The following VSIG2 variants were observed in gnomAD, a reference collection of about 807,000 sequenced individuals.
VSIG2 encodes the protein V-set and immunoglobulin domain containing 2.
In VSIG2, 30 loss-of-function variants were observed where a neutral mutation model predicts 29.4. The ratio of observed to expected loss-of-function variants is 1.02; its 90% confidence interval spans 0.76 to 1.38. VSIG2 has a LOEUF of 1.38. Among genes scored for constraint, VSIG2 ranks in the 40% most tolerant of loss-of-function variants. The pLI is 0.00. For synonymous variants in VSIG2, 178 were observed against 174.2 expected, an observed-to-expected ratio of 1.02 and a Z score of -0.17; for missense variants, 421 against 400.8, an observed-to-expected ratio of 1.05 and a Z score of -0.43.
Position 124,751,491 on chromosome 11 carries a change from C to A in VSIG2, c.151G>T (p.Val51Leu). The stretch of plus-strand genomic sequence containing the variant: ...CACTCCAGGGCGAAGCTGTCTCCCA[C>A]CGACGTGCTGTAGGTGCAGGTCAGC... ...AELTCTYSTS[V>L]GDSFALEWSF... Residue 51 changes from valine (V) to leucine (L), a missense_variant, in exon 2 of 7, where the codon GTG becomes TTG. Coordinates refer to ENST00000326621, the MANE Select transcript of VSIG2 (RefSeq NM_014312.5). 1 of 1,613,184 alleles carries A rather than the reference C, an allele frequency of 6.2e-7. No individual in the cohort carries two copies. The highest frequency in any genetic ancestry group is 1.1e-5 in the South Asian group (1 of 91,088).
Position 124,748,394 on chromosome 11 carries a change from G to C in VSIG2, c.847C>G (p.Leu283Val). Residue 283 changes from leucine to valine, a missense_variant, in exon 6 of 7, where the codon CTT becomes GTT. Coordinates refer to ENST00000326621, the MANE Select transcript of VSIG2 (RefSeq NM_014312.5). The part of the protein sequence containing the change: ...KPKETYGGSD[L>V]REDAIAPGIS... ...CCCCCCAGCCCTCCTGCTCACCGAA[G>C]GTCACTACCCCCATATGTCTCCTTG... 6.2e-7 allele frequency: 1 copy of C among 1,608,738 alleles called. No individual in the cohort carries two copies. The highest frequency in any genetic ancestry group is 8.5e-7 in the Non-Finnish European group (1 of 1,177,744).
At chr11:124,749,416 A>G (rs1424854283) in intron 4 of VSIG2, among the ~76,000 whole-genome samples, 2 of 151,896 alleles carry the variant, frequency 1.3e-5, no homozygotes, top group East Asian at 3.9e-4. Flanking sequence ...CCTAAAAGAA[A>G]TCTCCCCAAG....
rs1018065255 is a variant in VSIG2, at chr11:124,748,402, C to G, written c.839G>C (p.Gly280Ala). The change falls in exon 6 of 7, where the codon GGT becomes GCT. Residue 280 changes from glycine to alanine, a missense_variant. Transcript: ENST00000326621. ...RGKKPKETYG[G>A]SDLREDAIAP... ...CCCTCCTGCTCACCGAAGGTCACTA[C>G]CCCCATATGTCTCCTTGGGCTTCTT... The G allele has an allele frequency of 6.2e-7, 1 of 1,612,040 alleles. No homozygotes were observed. Among genetic ancestry groups the G allele is most frequent in the African/African-American group, 1.3e-5 (1 of 74,800 alleles).
rs10699910 is a variant in VSIG2 at position 124,751,121 on chromosome 11, G to GTCTC, written c.220-204_220-201dup. Among the ~76,000 whole-genome samples, 296 of 149,792 alleles carry GTCTC rather than the reference G, an allele frequency of 2.0e-3. 2 individuals are homozygous for GTCTC. Among genetic ancestry groups the GTCTC allele is most frequent in the Non-Finnish European group, 2.9e-3 (192 of 67,236 alleles). On this transcript the variant is annotated intron_variant, in intron 2 of 6. Transcript: ENST00000326621. The stretch of plus-strand genomic sequence containing the variant: ...GGTGCTAAATGAACCTGATCCATTG[G>GTCTC]TCTCTCTCTCTCTCTCTCAAAGAGA...
chr11:124,748,566 G>T (rs1314163734), intron 5 of VSIG2, 32 bp from the exon 6 acceptor site: 2 of 1,609,982 alleles, frequency 1.2e-6, no homozygotes, highest in East Asian at 2.2e-5. Flanking sequence ...ACTCAGAATT[G>T]CAGGCTTTCC....
chr11:124,751,769 G>A (rs1342163818), intron 1 of VSIG2, among the ~76,000 whole-genome samples, 189 bp from the exon 2 acceptor site: 1 of 152,210 alleles, frequency 6.6e-6, no homozygotes, highest in Non-Finnish European at 1.5e-5. Flanking sequence ...GTGGGTAAAA[G>A]AGCCGGAACC....
rs1461258451 is a variant in VSIG2 at position 124,750,802 on chromosome 11, G to A, written c.339C>T (p.Pro113=). 1 of 1,614,136 alleles carries A rather than the reference G, an allele frequency of 6.2e-7. No individual in the cohort carries two copies. Among genetic ancestry groups the A allele is most frequent in the South Asian group, 1.1e-5 (1 of 91,072 alleles). ...GGCAGAGGTAGGTTCCAGTATCTGA[G>A]GGGTGGACGTCAGTCAGTTTCAGTG... ...VATLKLTDVH[P]SDTGTYLCQV... is the part of the protein sequence containing the mutation. Residue 113 remains proline (P), a synonymous_variant, in exon 3 of 7, where the codon CCC becomes CCT. Transcript: ENST00000326621.
At position 124,749,844 on chromosome 11, in the gene VSIG2, G is replaced by A. The variant is rs759949574; in HGVS notation, c.450C>T (p.Cys150=). The A allele has an allele frequency of 1.0e-5, 13 of 1,278,898 alleles. No individual in the cohort carries two copies. The East Asian group carries it at 3.5e-4, about 34-fold the overall frequency. 79.2% of individuals were successfully genotyped at this position (1,278,898 alleles called of 1,614,324 possible). A position where few individuals can be genotyped will look rare whatever the true frequency, so the allele number is the denominator to read the frequency against. Residue 150 remains cysteine, a synonymous_variant, in exon 4 of 7, where the codon TGC becomes TGT. Transcript: ENST00000326621. ...TVLVPPSNPL[C]SQSGQTSVGG... ...CCACAGAGGTTTGTCCACTCTGACT[G>A]CATAAGGGATTACTGGGGGGAACTG...
chr11:124,749,938 A>C, intron 3 of VSIG2, 72 bp from the exon 4 acceptor site: 3 of 1,432,964 alleles, frequency 2.1e-6, no homozygotes, highest in Non-Finnish European at 2.7e-6. Flanking sequence ...TCCCAACTCC[A>C]TTAGGTGCTA....
intron 1 of VSIG2, 46 bp from the exon 2 acceptor site, chr11:124,751,626 T>C (rs1482279274): frequency 1.3e-6 from 2 of 1,525,870 alleles, no homozygotes; most frequent in Non-Finnish European, 1.8e-6. Context: ...ATTCCAGTGA[T>C]CTGGAGGGTC....
Position 124,749,885 on chromosome 11 carries a change from A to ACAAAAAGAAAAC in VSIG2, c.428-20_428-19insGTTTTCTTTTTG. The ACAAAAAGAAAAC allele has an allele frequency of 7.1e-7, 1 of 1,417,534 alleles. No homozygotes were observed. Among genetic ancestry groups the ACAAAAAGAAAAC allele is most frequent in the Non-Finnish European group, 9.3e-7 (1 of 1,078,338 alleles). 87.8% of individuals were successfully genotyped at this position (1,417,534 alleles called of 1,614,324 possible). ...GGGGGAACTGCAAAAAAAAAAAAAAAAAAAAAAAAACAGAAAGTTCCTCAG... is the reference window on the plus strand; with the variant it reads ...GGGGGAACTGCAAAAAAAAAAAAAAACAAAAAGAAAACAAAAAAAAAACAGAAAGTTCCTCAG... On this transcript the variant is annotated intron_variant, in intron 3 of 6. Coordinates refer to ENST00000326621, the MANE Select transcript of VSIG2 (RefSeq NM_014312.5).
chr11:124,749,885 A>AGAAAAAAAAAAAAAAAAAAAAAAAAAC lies in VSIG2; in HGVS notation c.428-20_428-19insGTTTTTTTTTTTTTTTTTTTTTTTTTC. On this transcript the variant is annotated intron_variant, in intron 3 of 6. Transcript: ENST00000326621. ...GGGGGAACTGCAAAAAAAAAAAAAAAAAAAAAAAAACAGAAAGTTCCTCAG... is the reference window on the plus strand; with the variant it reads ...GGGGGAACTGCAAAAAAAAAAAAAAAGAAAAAAAAAAAAAAAAAAAAAAAAACAAAAAAAAAACAGAAAGTTCCTCAG... 7.1e-7 allele frequency: 1 copy of AGAAAAAAAAAAAAAAAAAAAAAAAAAC among 1,417,534 alleles called. No individual in the cohort carries two copies. Among genetic ancestry groups the AGAAAAAAAAAAAAAAAAAAAAAAAAAC allele is most frequent in the Admixed American group, 2.4e-5 (1 of 42,300 alleles). 87.8% of individuals were successfully genotyped at this position (1,417,534 alleles called of 1,614,324 possible).
Position 124,751,429 on chromosome 11 carries a change from G to A in VSIG2, c.213C>T (p.Ser71=). 1 of 1,612,036 alleles carries A rather than the reference G, an allele frequency of 6.2e-7. No homozygotes were observed. Among genetic ancestry groups the A allele is most frequent in the Non-Finnish European group, 8.5e-7 (1 of 1,179,988 alleles). The part of the protein sequence containing the change: ...FVQPGKPISE[S]HPILYFTNGH... Reference sequence around the variant, plus strand: ...GCAGTCGCTCTCAGCTCACTGGATGGGACTCAGAGATGGGTTTCCCAGGCT... The same window carrying A: ...GCAGTCGCTCTCAGCTCACTGGATGAGACTCAGAGATGGGTTTCCCAGGCT... Residue 71 remains serine, a synonymous_variant, in exon 2 of 7, where the codon TCC becomes TCT. Coordinates refer to ENST00000326621, the MANE Select transcript of VSIG2 (RefSeq NM_014312.5).
rs1591426393 is a variant in VSIG2 at position 124,751,605 on chromosome 11, TGG to T, written c.62-27_62-26del. On this transcript the variant is annotated intron_variant, in intron 1 of 6. Transcript: ENST00000326621. ...CCTGGGGCCGGGGACCAGAGGGAGG[TGG>T]GAACCCAAATTCCAGTGATCTGGAG... 1.9e-6 allele frequency: 3 copies of T among 1,553,280 alleles called. No homozygotes were observed. The East Asian group carries it at 6.8e-5, about 35-fold the overall frequency.
chr11:124,751,731 TGA>T, intron 1 of VSIG2, 151 bp from the exon 2 acceptor site: 1 of 953,164 alleles, frequency 1.0e-6, no homozygotes, highest in South Asian at 1.8e-5. Context: ...TCCCAAAACC[TGA>T]GGTTTCCGGG....
intron 4 of VSIG2, 118 bp from the exon 5 acceptor site, chr11:124,748,881 T>G: frequency 6.8e-7 from 1 of 1,476,326 alleles, no homozygotes; most frequent in Non-Finnish European, 9.3e-7. Flanking sequence ...TAATTTTTTT[T>G]CACTGGGGAG....
At chr11:124,747,957 C>A in intron 6 of VSIG2, 1 of 385,826 alleles carries the variant, frequency 2.6e-6, no homozygotes, top group Non-Finnish European at 4.6e-6. Flanking sequence ...TGACTGGCAG[C>A]TAAAGTGGAT....
In VSIG2 at chr11:124,748,372, C is replaced by G. The variant is rs757292536; in HGVS notation, c.851+18G>C. 10 of 1,592,924 alleles carry G rather than the reference C, an allele frequency of 6.3e-6. No individual in the cohort carries two copies. In the Admixed American group the frequency reaches 1.6e-4, roughly 25 times the overall value. On this transcript the variant is annotated intron_variant, in intron 6 of 6. Coordinates refer to ENST00000326621, the MANE Select transcript of VSIG2 (RefSeq NM_014312.5). ...CCTTTCCTCCCTCCTTGCGCCACCC[C>G]CCAGCCCTCCTGCTCACCGAAGGTC...
Position 124,748,722 on chromosome 11 carries a change from T to C in VSIG2, c.628A>G (p.Thr210Ala), listed in dbSNP as rs747672939. The C allele has an allele frequency of 4.3e-6, 7 of 1,613,730 alleles. No individual in the cohort carries two copies. The highest frequency in any genetic ancestry group is 1.7e-5 in the Admixed American group (1 of 59,972). Residue 210 changes from threonine to alanine, a missense_variant, in exon 5 of 7, where the codon ACC becomes GCC. By Grantham distance (58) the Thr-to-Ala change is moderately conservative. Coordinates refer to ENST00000326621, the MANE Select transcript of VSIG2 (RefSeq NM_014312.5). ...ACACAGCGGTAGGTGCCCGAGGAGG[T>C]CAGGGAGAGGTTGGTGAGAATGAGC... ...GQLILTNLSL[T>A]SSGTYRCVAT...
Sources: gnomAD v4.1 joint callset for allele counts (sites outside exome capture counted in the v4.1 genomes callset) on GRCh38, gnomAD v4.1.1 for gene constraint, MANE v1.5 for transcripts, NCBI Gene and HGNC (gene_info 2026-07-23, HGNC 2026-07-21) for gene names.